Variants in DISP1 observed in about 807,000 individuals in gnomAD.
The protein encoded by DISP1 is protein dispatched homolog 1.
Under a neutral mutation model 37.3 loss-of-function variants are expected in DISP1, and 30 were observed. The ratio of observed to expected loss-of-function variants is 0.80; its 90% CI spans 0.60 to 1.09. DISP1 has a LOEUF of 1.09. Ranked by LOEUF, DISP1 falls within the 50% of genes least tolerant of loss-of-function variation. The probability of loss-of-function intolerance (pLI) is 0.00; values close to 1 mark genes in which losing one functional copy is unlikely to be tolerated. For synonymous variants in DISP1, 634 were observed against 690.2 expected, an observed-to-expected ratio of 0.92 and a Z score of 1.28; for missense variants, 1,598 against 1,879.5, an observed-to-expected ratio of 0.85 and a Z score of 2.77.
chr1:222,815,873 A>T (rs1185739519), intron 1 of DISP1, among the ~76,000 whole-genome samples: 1 of 152,188 alleles, frequency 6.6e-6, no homozygotes, highest in Non-Finnish European at 1.5e-5. Context: ...TGATAATCAC[A>T]TGGAAAGCCA....
intron 1 of DISP1, among the ~76,000 whole-genome samples, chr1:222,886,578 T>C (rs1208466902): frequency 2.0e-5 from 3 of 152,220 alleles, no homozygotes; most frequent in African/African-American, 7.2e-5. Context: ...TGTGGCTGGC[T>C]AGGTGCCAGC....
chr1:222,823,369 G>T (rs1341614968), intron 1 of DISP1, among the ~76,000 whole-genome samples: 1 of 152,140 alleles, frequency 6.6e-6, no homozygotes, highest in East Asian at 1.9e-4. Flanking sequence ...AAAGAATGCA[G>T]TCATGTCTTT....
At chr1:222,932,033 A>C (rs536532784) in intron 2 of DISP1, among the ~76,000 whole-genome samples, 1 of 152,088 alleles carries the variant, frequency 6.6e-6, no homozygotes, top group African/African-American at 2.4e-5. Flanking sequence ...GAGCAATAAA[A>C]AAAAGTAAAG....
chr1:222,890,256 A>G (rs1044137759), intron 1 of DISP1, among the ~76,000 whole-genome samples: 4 of 152,174 alleles, frequency 2.6e-5, no homozygotes, highest in Non-Finnish European at 4.4e-5. Context: ...TTGAACACCA[A>G]CTATGTGCCA....
At chr1:222,969,782 A>G (rs574781027) in intron 3 of DISP1, among the ~76,000 whole-genome samples, 171 of 152,194 alleles carry the variant, frequency 1.1e-3, no homozygotes, top group African/African-American at 3.8e-3. Context: ...AAGAGTTACA[A>G]TGTTTTATCT....
intron 2 of DISP1, among the ~76,000 whole-genome samples, chr1:222,940,070 G>T (rs1165119857): frequency 6.6e-6 from 1 of 151,468 alleles, no homozygotes; most frequent in Non-Finnish European, 1.5e-5. Flanking sequence ...AGCTTACAGT[G>T]AGCCGAGATC....
chr1:222,858,477 A>G (rs1214284658), intron 1 of DISP1, among the ~76,000 whole-genome samples: 2 of 152,328 alleles, frequency 1.3e-5, no homozygotes, highest in East Asian at 1.9e-4. Flanking sequence ...AAAATTGACA[A>G]ATGGGATCTA....
At position 222,848,343 on chromosome 1, in the gene DISP1, G is replaced by A. The variant is rs139741513; in HGVS notation, c.-159+33265G>A. On this transcript the variant is annotated intron_variant, in intron 1 of 8. Transcript: ENST00000675850. ...TCGTGTAGTATAAAATGGTCAACACGTATTAGCGACTATTAGCATCTCAAT... is the reference window on the plus strand; with the variant it reads ...TCGTGTAGTATAAAATGGTCAACACATATTAGCGACTATTAGCATCTCAAT... Among the ~76,000 whole-genome samples the A allele has an allele frequency of 1.5e-3, 232 of 152,126 alleles. 2 individuals are homozygous for A. In the East Asian group the frequency reaches 0.039, roughly 25 times the overall value.
rs115378988 is a variant in DISP1, at chr1:222,817,767, A to G, written c.-159+2689A>G. Among the ~76,000 whole-genome samples, 372 of 152,318 alleles carry G rather than the reference A, an allele frequency of 2.4e-3. 3 individuals carry two copies. Among genetic ancestry groups the G allele is most frequent in the African/African-American group, 8.5e-3 (355 of 41,578 alleles). ...ATGACTTGGGCCTCAGAGTGACTCA[A>G]AAGGGGATGAATCACTGCAGTCCTG... On this transcript the variant is annotated intron_variant, in intron 1 of 8. Coordinates refer to ENST00000675850, the MANE Select transcript of DISP1 (RefSeq NM_001377229.1).
chr1:222,823,186 G>A (rs1355096313), intron 1 of DISP1, among the ~76,000 whole-genome samples: 2 of 152,136 alleles, frequency 1.3e-5, no homozygotes, highest in Non-Finnish European at 1.5e-5. Context: ...GAGTATGTAC[G>A]CAAAGGAAAA....
At chr1:222,957,363 T>G (rs1675684221) in intron 3 of DISP1, among the ~76,000 whole-genome samples, 1 of 152,038 alleles carries the variant, frequency 6.6e-6, no homozygotes, top group Admixed American at 6.6e-5. Flanking sequence ...CCGAGGTGGA[T>G]GGATCACTTG....
intron 1 of DISP1, among the ~76,000 whole-genome samples, chr1:222,897,589 G>T (rs1422893810): frequency 6.6e-6 from 1 of 152,100 alleles, no homozygotes; most frequent in Non-Finnish European, 1.5e-5. Flanking sequence ...AAATTTATGA[G>T]GAGTTGTACT....
intron 2 of DISP1, among the ~76,000 whole-genome samples, chr1:222,935,582 T>C (rs1186092183): frequency 1.3e-5 from 2 of 152,084 alleles, no homozygotes; most frequent in South Asian, 2.1e-4. Flanking sequence ...GTGAGATCAT[T>C]TGTGAGAAAG....
chr1:222,939,830 C>CAAAAA (rs1327970273), intron 2 of DISP1, among the ~76,000 whole-genome samples: 2 of 114,100 alleles, frequency 1.8e-5, no homozygotes, highest in African/African-American at 6.7e-5. Flanking sequence ...GAGATCCTGT[C>CAAAAA]AAAAAAAAAA....
chr1:222,871,882 A>G (rs1669605380), intron 1 of DISP1, among the ~76,000 whole-genome samples: 2 of 152,104 alleles, frequency 1.3e-5, no homozygotes, highest in Admixed American at 6.6e-5. Flanking sequence ...CAAAGGGAAT[A>G]CTTCCAGTTT....
intron 1 of DISP1, among the ~76,000 whole-genome samples, chr1:222,894,586 C>T (rs1337985038): frequency 6.6e-6 from 1 of 152,218 alleles, no homozygotes; most frequent in Non-Finnish European, 1.5e-5. Context: ...GCAGTCACTT[C>T]CAAGCCTGTG....
intron 1 of DISP1, among the ~76,000 whole-genome samples, chr1:222,884,971 G>A (rs1670500336): frequency 6.6e-6 from 1 of 152,012 alleles, no homozygotes. Context: ...CGAGTAGCTA[G>A]GACTACAGGC....
At chr1:222,827,993 T>C (rs116292976) in intron 1 of DISP1, among the ~76,000 whole-genome samples, 1,982 of 152,280 alleles carry the variant, frequency 0.013, 40 homozygotes, top group African/African-American at 0.042. Flanking sequence ...TTCAGTGTCA[T>C]GAAATGAAGA....
chr1:222,920,773 T>C lies in DISP1; in HGVS notation c.-158-7657T>C, dbSNP rs141412615. On this transcript the variant is annotated intron_variant, in intron 1 of 8. Coordinates refer to ENST00000675850, the MANE Select transcript of DISP1 (RefSeq NM_001377229.1). Reference sequence around the variant, plus strand: ...CTTCTCTGAAATTTAATGATCTCTATGGTTTTTGCTTTAAAATATGTACCC... The same window carrying C: ...CTTCTCTGAAATTTAATGATCTCTACGGTTTTTGCTTTAAAATATGTACCC... Among the ~76,000 whole-genome samples the C allele has an allele frequency of 7.0e-3, 1,059 of 152,238 alleles. 9 individuals are homozygous for C. The highest frequency in any genetic ancestry group is 0.024 in the African/African-American group (1,007 of 41,548).
Sources: allele counts gnomAD v4.1 joint callset (sites outside exome capture counted in the v4.1 genomes callset), GRCh38; gene constraint gnomAD v4.1.1; transcripts MANE v1.5; gene names NCBI Gene and HGNC (gene_info 2026-07-23, HGNC 2026-07-21).